Variants in CTNND2 observed in about 807,000 individuals in gnomAD.
CTNND2 encodes catenin delta-2.
In CTNND2, 22 loss-of-function variants were observed where a neutral mutation model predicts 144.4. The ratio of observed to expected loss-of-function variants is 0.15; its 90% CI spans 0.11 to 0.22. CTNND2 has a LOEUF of 0.22. Among genes scored for constraint, CTNND2 ranks in the 10% least tolerant of loss-of-function variants. The probability of loss-of-function intolerance (pLI) is 1.00; values close to 1 mark genes in which losing one functional copy is unlikely to be tolerated. For missense variants in CTNND2, 1,353 were observed against 1,618.8 expected, an observed-to-expected ratio of 0.84 and a Z score of 2.82; for synonymous variants, 751 against 695.6, an observed-to-expected ratio of 1.08 and a Z score of -1.25.
intron 21 of CTNND2, among the ~76,000 whole-genome samples, chr5:10,978,303 C>T (rs1736759764): frequency 6.6e-6 from 1 of 152,112 alleles, no homozygotes; most frequent in South Asian, 2.1e-4. Flanking sequence ...TCTAGGACTC[C>T]CAACCGGAAG....
intron 11 of CTNND2, among the ~76,000 whole-genome samples, chr5:11,190,618 A>G (rs1034793616): frequency 1.4e-4 from 21 of 152,234 alleles, no homozygotes; most frequent in African/African-American, 5.1e-4. Flanking sequence ...GACAGTATGA[A>G]ATAGAAGGTT....
chr5:11,777,307 T>C (rs1434169137), intron 1 of CTNND2, among the ~76,000 whole-genome samples: 2 of 152,242 alleles, frequency 1.3e-5, no homozygotes, highest in East Asian at 1.9e-4. Context: ...CCTCCAAAGA[T>C]GGCATTTTGC....
At chr5:11,625,648 A>G (rs1164120041) in intron 2 of CTNND2, among the ~76,000 whole-genome samples, 1 of 152,282 alleles carries the variant, frequency 6.6e-6, no homozygotes, top group East Asian at 1.9e-4. Flanking sequence ...TGCTCTTCAA[A>G]TAACAGTTGG....
intron 2 of CTNND2, among the ~76,000 whole-genome samples, chr5:11,644,252 G>A (rs1782225954): frequency 6.6e-6 from 1 of 152,286 alleles, no homozygotes; most frequent in East Asian, 1.9e-4. Flanking sequence ...ATAGGACACA[G>A]GTACCAACGT....
chr5:11,281,517 G>C (rs1452461261), intron 9 of CTNND2, among the ~76,000 whole-genome samples: 2 of 152,224 alleles, frequency 1.3e-5, no homozygotes, highest in African/African-American at 4.8e-5. Flanking sequence ...TTTGTGGACT[G>C]AATCTGTTTT....
chr5:11,397,040 G>C lies in CTNND2; in HGVS notation c.603C>G (p.Ser201Arg), dbSNP rs1440141088. The C allele has an allele frequency of 1.1e-5, 17 of 1,613,246 alleles. No homozygotes were observed. The highest frequency in any genetic ancestry group is 1.4e-5 in the Non-Finnish European group (17 of 1,179,986). ...RGTQARATGQ[S>R]FSQGTTSRAG... The stretch of plus-strand genomic sequence containing the variant: ...AGCACTGGGTACCTACCTGGCTGAA[G>C]CTCTGGCCCGTAGCTCGGGCTTGTG... The change falls in exon 6 of 22, where the codon AGC (serine) becomes AGG (arginine). Residue 201 changes from serine (S) to arginine (R), a missense_variant. Around this residue, in one of 4 missense-constraint regions of CTNND2, gnomAD observed 708 missense variants for 706.4 expected, o/e 1.00. Transcript: ENST00000304623.
intron 2 of CTNND2, among the ~76,000 whole-genome samples, chr5:11,672,048 G>C (rs1783898560): frequency 6.6e-6 from 1 of 152,190 alleles, no homozygotes; most frequent in South Asian, 2.1e-4. Context: ...CTCTGAGGCA[G>C]GTCTGCTGGA....
intron 2 of CTNND2, among the ~76,000 whole-genome samples, chr5:11,650,098 A>G (rs1397363698): frequency 1.3e-5 from 2 of 152,118 alleles, no homozygotes; most frequent in African/African-American, 4.8e-5. Context: ...GTAATCCCCA[A>G]TGTTGGAGGA....
At chr5:11,291,756 C>G (rs949954250) in intron 9 of CTNND2, among the ~76,000 whole-genome samples, 3 of 152,212 alleles carry the variant, frequency 2.0e-5, no homozygotes, top group Admixed American at 6.5e-5. Flanking sequence ...TAACATGGAA[C>G]AGAAAATGCC....
chr5:11,104,177 T>A (rs2973505), intron 14 of CTNND2, among the ~76,000 whole-genome samples: 23,982 of 152,276 alleles, frequency 0.16, 2,585 homozygotes, highest in African/African-American at 0.31. Flanking sequence ...TCATTACATA[T>A]GTGCAGGCTC....
At chr5:11,066,988 G>A (rs568356637) in intron 16 of CTNND2, among the ~76,000 whole-genome samples, 43 of 152,300 alleles carry the variant, frequency 2.8e-4, no homozygotes, top group African/African-American at 9.4e-4. Flanking sequence ...GCCTGATGCA[G>A]CCATATACCA....
intron 3 of CTNND2, among the ~76,000 whole-genome samples, chr5:11,451,662 C>T (rs548497019): frequency 6.6e-6 from 1 of 152,286 alleles, no homozygotes; most frequent in East Asian, 1.9e-4. Flanking sequence ...ATTACAATAA[C>T]ATCAGACTAA....
chr5:11,390,561 A>C (rs1285624381), intron 6 of CTNND2, among the ~76,000 whole-genome samples: 2 of 152,228 alleles, frequency 1.3e-5, no homozygotes, highest in Non-Finnish European at 2.9e-5. Flanking sequence ...ACTAAGCAAA[A>C]GCACATTTTA....
At chr5:11,376,519 G>A (rs758977404) in intron 7 of CTNND2, among the ~76,000 whole-genome samples, 11 of 152,192 alleles carry the variant, frequency 7.2e-5, no homozygotes, top group Non-Finnish European at 1.3e-4. Context: ...CAGTGTCAAG[G>A]GCAGTATTTT....
At chr5:11,199,011 CATGA>C (rs1450156122) in intron 11 of CTNND2, among the ~76,000 whole-genome samples, 1 of 152,268 alleles carries the variant, frequency 6.6e-6, no homozygotes, top group South Asian at 2.1e-4. Context: ...TTTTAATAGA[CATGA>C]ATATTTCATT....
intron 1 of CTNND2, among the ~76,000 whole-genome samples, chr5:11,751,879 C>G (rs1175671921): frequency 6.6e-6 from 1 of 151,680 alleles, no homozygotes; most frequent in East Asian, 1.9e-4. Context: ...GCATCTGTTA[C>G]TATTTGACTT....
intron 3 of CTNND2, among the ~76,000 whole-genome samples, chr5:11,562,057 A>AAG (rs1168622412): frequency 1.3e-5 from 2 of 152,082 alleles, no homozygotes; most frequent in African/African-American, 2.4e-5. Context: ...TCAAAAAAAA[A>AAG]AGAGAGAGAG....
intron 9 of CTNND2, among the ~76,000 whole-genome samples, chr5:11,318,861 G>C (rs111339477): frequency 1.5e-3 from 224 of 151,734 alleles, no homozygotes; most frequent in African/African-American, 5.1e-3. Flanking sequence ...AACCACTCTA[G>C]GTGCTGCCCC....
chr5:11,515,111 C>CAAAAA lies in CTNND2; in HGVS notation c.287+49828_287+49832dup, dbSNP rs5865953. Among the ~76,000 whole-genome samples, 147 of 135,536 alleles carry CAAAAA rather than the reference C, an allele frequency of 1.1e-3. 1 individual carries two copies. Among genetic ancestry groups the CAAAAA allele is most frequent in the African/African-American group, 3.7e-3 (137 of 36,742 alleles). 88.9% of individuals were successfully genotyped at this position (135,536 alleles called of 152,430 possible). On this transcript the variant is annotated intron_variant, in intron 3 of 21. Coordinates refer to ENST00000304623, the MANE Select transcript of CTNND2 (RefSeq NM_001332.4). Reference sequence around the variant, plus strand: ...AAACATGCATCCCATTAATGCACACCAAAAAAAAAAAAAAACGCATTTCCT... The same window carrying CAAAAA: ...AAACATGCATCCCATTAATGCACACCAAAAAAAAAAAAAAAAAAAACGCATTTCCT...
Sources: allele counts gnomAD v4.1 joint callset (sites outside exome capture counted in the v4.1 genomes callset), GRCh38; gene constraint gnomAD v4.1.1; regional missense constraint gnomAD v4.1.1; transcripts MANE v1.5; gene names NCBI Gene and HGNC (gene_info 2026-07-23, HGNC 2026-07-21).